The following DIS3L variants were observed in gnomAD, a reference collection of about 807,000 sequenced individuals.
DIS3L encodes the protein DIS3-like exonuclease 1.
A neutral mutation model predicts 120.3 loss-of-function variants in DIS3L; 100 were observed. That is an observed-to-expected ratio of 0.83 (90% CI 0.71 to 0.98). The LOEUF is 0.98. Ranked by LOEUF, DIS3L falls within the 50% of genes least tolerant of loss-of-function variation. The probability of loss-of-function intolerance (pLI) is 0.00; values close to 1 mark genes in which losing one functional copy is unlikely to be tolerated. For missense variants in DIS3L, 1,196 were observed against 1,314.2 expected, an observed-to-expected ratio of 0.91 and a Z score of 1.39; for synonymous variants, 426 against 470.6, an observed-to-expected ratio of 0.91 and a Z score of 1.23.
chr15:66,302,896 CTTG>C (rs2092663772), intron 2 of DIS3L, among the ~76,000 whole-genome samples: 1 of 152,120 alleles, frequency 6.6e-6, no homozygotes, highest in South Asian at 2.1e-4. Context: ...ATACATATGC[CTTG>C]TTGTCAGCCA....
At chr15:66,329,642 A>G in intron 14 of DIS3L, 2 of 1,191,282 alleles carry the variant, frequency 1.7e-6, no homozygotes, top group South Asian at 2.3e-5. Context: ...AGCAACGCAT[A>G]AAGATATGAT....
chr15:66,330,360 T>G, intron 14 of DIS3L: 1 of 985,392 alleles, frequency 1.0e-6, no homozygotes, highest in Non-Finnish European at 1.2e-6. Context: ...CCAACTGTTA[T>G]TGATAGCACA....
Position 66,326,174 on chromosome 15 carries a change from C to T in DIS3L, c.2011C>T (p.Pro671Ser). The change falls in exon 12 of 17, where the codon CCC becomes TCC. Residue 671 changes from proline to serine, a missense_variant. By Grantham distance (74) the Pro-to-Ser change is moderately conservative. Transcript: ENST00000319212. ...DDKKNIHDLI[P>S]KQPLEVHETV... ...CAAAAAGAACATTCACGACCTCATC[C>T]CCAAGCAGCCCCTGGAAGTCCACGA... 1 of 1,614,184 alleles carries T rather than the reference C, an allele frequency of 6.2e-7. No individual in the cohort carries two copies. Among genetic ancestry groups the T allele is most frequent in the South Asian group, 1.1e-5 (1 of 91,086 alleles).
chr15:66,329,788 T>C, intron 14 of DIS3L: 1 of 928,972 alleles, frequency 1.1e-6, no homozygotes, highest in Non-Finnish European at 1.3e-6. Flanking sequence ...GGCACGCGCC[T>C]GTAGTCCCAG....
In DIS3L at chr15:66,295,085, G is replaced by A. The variant is rs1397214608; in HGVS notation, c.237G>A (p.Lys79=). ...YLEILEFPEL[K]GIIFMQTACQ... Reference sequence around the variant, plus strand: ...AGATCCTTGAGTTTCCTGAGTTGAAGGGAATTATTTTCATGCAGACAGCTT... The same window carrying A: ...AGATCCTTGAGTTTCCTGAGTTGAAAGGAATTATTTTCATGCAGACAGCTT... Residue 79 remains lysine, a synonymous_variant, in exon 2 of 17, where the codon AAG becomes AAA. Coordinates refer to ENST00000319212, the MANE Select transcript of DIS3L (RefSeq NM_001143688.3). The A allele has an allele frequency of 1.2e-6, 2 of 1,614,148 alleles. No homozygotes were observed. The highest frequency in any genetic ancestry group is 1.7e-6 in the Non-Finnish European group (2 of 1,180,016).
chr15:66,308,534 C>A (rs942228989), intron 3 of DIS3L, among the ~76,000 whole-genome samples, 175 bp from the exon 4 acceptor site: 1 of 152,130 alleles, frequency 6.6e-6, no homozygotes, highest in East Asian at 1.9e-4. Context: ...ATATTTGTAT[C>A]CCCCAGAGCA....
At chr15:66,328,679 C>T (rs767981034) in intron 12 of DIS3L, among the ~76,000 whole-genome samples, 6 of 152,216 alleles carry the variant, frequency 3.9e-5, no homozygotes, top group South Asian at 2.1e-4. Context: ...TTCAATTCAA[C>T]GAGTATTTGA....
At chr15:66,329,860 C>T (rs1595766137) in intron 14 of DIS3L, 12 of 961,458 alleles carry the variant, frequency 1.2e-5, no homozygotes, top group African/African-American at 1.9e-5. Flanking sequence ...TGCAGTGGGC[C>T]GAGATCACAC....
chr15:66,312,915 G>C (rs145203308), intron 5 of DIS3L, among the ~76,000 whole-genome samples: 1 of 152,148 alleles, frequency 6.6e-6, no homozygotes, highest in African/African-American at 2.4e-5. Flanking sequence ...TGTCTAGAGA[G>C]GCTAATGTTT....
intron 4 of DIS3L, among the ~76,000 whole-genome samples, chr15:66,309,237 G>A (rs1472350555): frequency 6.7e-6 from 1 of 150,270 alleles, no homozygotes; most frequent in African/African-American, 2.4e-5. Flanking sequence ...GAGTGACAGA[G>A]TAAGACCCTG....
At chr15:66,293,438 C>T, upstream of DIS3L, 1 of 1,190,796 alleles carries the variant, frequency 8.4e-7, no homozygotes, top group Non-Finnish European at 1.0e-6. Flanking sequence ...GCCGGGAGGG[C>T]CGGGCCCCAG....
At chr15:66,321,638 C>T (rs1566952869) in intron 9 of DIS3L, among the ~76,000 whole-genome samples, 1 of 151,686 alleles carries the variant, frequency 6.6e-6, no homozygotes, top group Non-Finnish European at 1.5e-5. Context: ...TAGTGGTGGG[C>T]GCCTATAATC....
intron 2 of DIS3L, among the ~76,000 whole-genome samples, chr15:66,305,393 C>T (rs906665887): frequency 1.4e-4 from 22 of 152,080 alleles, no homozygotes; most frequent in African/African-American, 2.9e-4. Context: ...TTGGGGAGTT[C>T]GGCCTTTGCT....
Position 66,293,683 on chromosome 15 carries a change from C to T in DIS3L, c.87C>T (p.Pro29=), listed in dbSNP as rs2092547798. The T allele has an allele frequency of 2.1e-5, 30 of 1,401,706 alleles. No individual in the cohort carries two copies. The South Asian group carries it at 3.9e-4, about 18-fold the overall frequency. 86.8% of individuals were successfully genotyped at this position (1,401,706 alleles called of 1,614,324 possible). A position where few individuals can be genotyped will look rare whatever the true frequency, so the allele number is the denominator to read the frequency against. The change falls in exon 1 of 17, where the codon CCC becomes CCT. Residue 29 remains proline (P), a synonymous_variant. Coordinates refer to ENST00000319212, the MANE Select transcript of DIS3L (RefSeq NM_001143688.3). Reference sequence around the variant, plus strand: ...TCGTGCGCGAGCACTACCTGCGGCCCTGCGTGCCCTGCCACAGCCCGCTCT... The same window carrying T: ...TCGTGCGCGAGCACTACCTGCGGCCTTGCGTGCCCTGCCACAGCCCGCTCT... ...LRIVREHYLR[P]CVPCHSPLCP...
intron 12 of DIS3L, among the ~76,000 whole-genome samples, 190 bp from the exon 13 acceptor site, chr15:66,328,780 C>T (rs2140411416): frequency 6.6e-6 from 1 of 152,288 alleles, no homozygotes; most frequent in Non-Finnish European, 1.5e-5. Flanking sequence ...AATTCTGACA[C>T]TCTTGTTTTG....
chr15:66,313,216 G>C (rs1342644037), intron 5 of DIS3L, among the ~76,000 whole-genome samples: 6 of 151,714 alleles, frequency 4.0e-5, no homozygotes, highest in Non-Finnish European at 1.5e-5. Flanking sequence ...GAATGGTCTC[G>C]ATCTCTTGAC....
chr15:66,294,009 G>T, intron 1 of DIS3L: 1 of 989,504 alleles, frequency 1.0e-6, no homozygotes, highest in Non-Finnish European at 1.2e-6. Context: ...CCGGAGGCCG[G>T]GTGGTTTGGC....
In DIS3L at chr15:66,315,802, C is replaced by T. The variant is rs1295666214; in HGVS notation, c.994+587C>T. On this transcript the variant is annotated intron_variant, in intron 7 of 16. Transcript: ENST00000319212. ...TCATGCCTGCCATTCTGACACCTCCCAAGCCCTACTCCTCTAAAATTGTTC... is the reference window on the plus strand; with the variant it reads ...TCATGCCTGCCATTCTGACACCTCCTAAGCCCTACTCCTCTAAAATTGTTC... Among the ~76,000 whole-genome samples the T allele has an allele frequency of 3.9e-5, 6 of 152,186 alleles. No individual in the cohort carries two copies. In the East Asian group the frequency reaches 1.2e-3, roughly 29 times the overall value.
chr15:66,313,779 ATG>A (rs1331650276), intron 5 of DIS3L, among the ~76,000 whole-genome samples: 1 of 125,812 alleles, frequency 7.9e-6, no homozygotes, highest in Non-Finnish European at 1.9e-5. Context: ...GTATATATAT[ATG>A]TGTGTGTGTA....
Sources: allele counts gnomAD v4.1 joint callset (sites outside exome capture counted in the v4.1 genomes callset), GRCh38; gene constraint gnomAD v4.1.1; transcripts MANE v1.5; gene names NCBI Gene and HGNC (gene_info 2026-07-23, HGNC 2026-07-21).